The following PLD1 variants were observed in gnomAD, a reference collection of about 807,000 sequenced individuals.
PLD1 encodes choline phosphatase 1.
In PLD1, 112 loss-of-function variants were observed where a neutral mutation model predicts 137.1. That is an observed-to-expected ratio of 0.82 (90% confidence interval 0.70 to 0.96). The LOEUF (loss-of-function observed/expected upper bound fraction) is 0.96, where lower values mean the gene tolerates loss of function less well. Ranked by LOEUF, PLD1 falls within the 40% of genes least tolerant of loss-of-function variation. The pLI, the probability that PLD1 is intolerant of heterozygous loss-of-function variation, is 0.00. For missense variants in PLD1, 1,321 were observed against 1,342.0 expected (o/e 0.98, Z 0.24); for synonymous variants, 431 against 454.7 (o/e 0.95, Z 0.66).
intron 1 of PLD1, among the ~76,000 whole-genome samples, chr3:171,779,270 C>T (rs1482435651): frequency 6.6e-6 from 1 of 151,958 alleles, no homozygotes; most frequent in Non-Finnish European, 1.5e-5. Context: ...TTGCAGTAGT[C>T]CAGGTGGGAG....
intron 25 of PLD1, among the ~76,000 whole-genome samples, chr3:171,606,766 T>A (rs1310432901): frequency 2.0e-5 from 3 of 152,242 alleles, no homozygotes; most frequent in Admixed American, 1.3e-4. Flanking sequence ...ACCAATTATT[T>A]CATTATGGAC....
intron 1 of PLD1, among the ~76,000 whole-genome samples, chr3:171,769,204 TG>T (rs2108327119): frequency 6.6e-6 from 1 of 152,326 alleles, no homozygotes; most frequent in East Asian, 1.9e-4. Context: ...TTCGAATCTG[TG>T]GTCTTTGCTT....
intron 1 of PLD1, among the ~76,000 whole-genome samples, chr3:171,781,687 C>A (rs1156924598): frequency 6.6e-6 from 1 of 152,158 alleles, no homozygotes; most frequent in Non-Finnish European, 1.5e-5. Flanking sequence ...CAATGAGGTA[C>A]TGCTACATCC....
At chr3:171,655,915 C>G (rs1292177725) in intron 21 of PLD1, among the ~76,000 whole-genome samples, 3 of 152,064 alleles carry the variant, frequency 2.0e-5, no homozygotes, top group Non-Finnish European at 4.4e-5. Context: ...CTAAATGACA[C>G]AGGTTTATTT....
At chr3:171,715,938 A>G (rs1343451746) in intron 8 of PLD1, among the ~76,000 whole-genome samples, 2 of 135,232 alleles carry the variant, frequency 1.5e-5, no homozygotes, top group Non-Finnish European at 3.1e-5. Flanking sequence ...ACCCTCAAGT[A>G]GGCCCTAGTA....
intron 1 of PLD1, among the ~76,000 whole-genome samples, chr3:171,806,631 ATC>A (rs897179308): frequency 6.6e-6 from 1 of 152,236 alleles, no homozygotes; most frequent in Non-Finnish European, 1.5e-5. Context: ...AAAGAGACAT[ATC>A]TTATGTGTTG....
At chr3:171,803,832 A>G (rs970630777) in intron 1 of PLD1, among the ~76,000 whole-genome samples, 2 of 152,240 alleles carry the variant, frequency 1.3e-5, no homozygotes, top group Non-Finnish European at 2.9e-5. Context: ...CAGTATTTTC[A>G]CCATATAGAA....
intron 1 of PLD1, among the ~76,000 whole-genome samples, chr3:171,757,063 C>T (rs1721077806): frequency 1.3e-5 from 2 of 152,142 alleles, no homozygotes; most frequent in African/African-American, 4.8e-5. Context: ...ACCATTTTTA[C>T]ATTTCTTATA....
intron 21 of PLD1, among the ~76,000 whole-genome samples, chr3:171,654,719 A>G (rs1329078583): frequency 6.6e-6 from 1 of 152,226 alleles, no homozygotes; most frequent in Non-Finnish European, 1.5e-5. Flanking sequence ...TTGAGCTGTC[A>G]AAGAAAGGTT....
At chr3:171,659,695 C>A (rs1434999789) in intron 20 of PLD1, among the ~76,000 whole-genome samples, 3 of 152,176 alleles carry the variant, frequency 2.0e-5, no homozygotes, top group Non-Finnish European at 4.4e-5. Context: ...GGCAAACATT[C>A]TATCTCATGC....
At chr3:171,657,794 G>GA (rs1004129590) in intron 21 of PLD1, among the ~76,000 whole-genome samples, 1 of 151,580 alleles carries the variant, frequency 6.6e-6, no homozygotes, top group African/African-American at 2.4e-5. Context: ...GCGATACAAG[G>GA]AAAAAAATAG....
intron 21 of PLD1, among the ~76,000 whole-genome samples, chr3:171,658,343 A>C (rs1737385689): frequency 6.6e-6 from 1 of 152,182 alleles, no homozygotes; most frequent in Admixed American, 6.5e-5. Flanking sequence ...CTGCACAAAA[A>C]CTAGTAAAGG....
intron 1 of PLD1, among the ~76,000 whole-genome samples, chr3:171,763,837 T>C (rs766816026): frequency 3.0e-4 from 43 of 142,920 alleles, no homozygotes; most frequent in Non-Finnish European, 5.7e-4. Context: ...TTTCTTTTTT[T>C]TTTTTTTTTT....
chr3:171,644,431 T>C lies in PLD1; in HGVS notation c.2543+479A>G, dbSNP rs1308270230. On this transcript the variant is annotated intron_variant, in intron 22 of 26. Transcript: ENST00000351298. ...TTTCCCTAAAATTTTAACAAAGATG[T>C]GGTAGAGAAAACAAAATTCCGGGAA... Among the ~76,000 whole-genome samples, 5 of 152,214 alleles carry C rather than the reference T, an allele frequency of 3.3e-5. No homozygotes were observed. The South Asian group carries it at 1.0e-3, about 31-fold the overall frequency.
At chr3:171,736,022 G>A (rs1319380822) in intron 3 of PLD1, among the ~76,000 whole-genome samples, 1 of 152,170 alleles carries the variant, frequency 6.6e-6, no homozygotes, top group African/African-American at 2.4e-5. Context: ...CCAGGCAATT[G>A]GCAGGGGTGA....
chr3:171,714,180 A>AT (rs35255380), intron 8 of PLD1, 135 bp from the exon 9 acceptor site: 27 of 564,958 alleles, frequency 4.8e-5, no homozygotes, highest in African/African-American at 2.9e-4. Context: ...CAGGAGATTT[A>AT]TTTTTTTTAA....
intron 1 of PLD1, among the ~76,000 whole-genome samples, chr3:171,758,264 C>T (rs1721163894): frequency 6.6e-6 from 1 of 152,170 alleles, no homozygotes; most frequent in South Asian, 2.1e-4. Flanking sequence ...TGGTCATGTG[C>T]TCACGTGACT....
chr3:171,720,443 G>A (rs919566917), intron 8 of PLD1, among the ~76,000 whole-genome samples: 2 of 151,968 alleles, frequency 1.3e-5, no homozygotes. Flanking sequence ...TTAGCCGGGC[G>A]TCATGCCGGG....
chr3:171,776,652 C>T (rs184293882), intron 1 of PLD1, among the ~76,000 whole-genome samples: 18 of 152,304 alleles, frequency 1.2e-4, no homozygotes, highest in East Asian at 3.9e-4. Context: ...GTAATGACAA[C>T]GGCACCTATT....
Sources: allele counts gnomAD v4.1 joint callset (sites outside exome capture counted in the v4.1 genomes callset), GRCh38; gene constraint gnomAD v4.1.1; transcripts MANE v1.5; gene names NCBI Gene and HGNC (gene_info 2026-07-23, HGNC 2026-07-21).